The following CTNNA3 variants were observed in gnomAD, a reference collection of about 807,000 sequenced individuals.
CTNNA3 encodes catenin alpha-3.
A neutral mutation model predicts 95.7 loss-of-function variants in CTNNA3; 76 were observed. The ratio of observed to expected loss-of-function variants is 0.79; its 90% CI spans 0.66 to 0.96. CTNNA3 has a LOEUF of 0.96. CTNNA3 is among the 40% of genes least tolerant of loss of function. The probability of loss-of-function intolerance (pLI) is 0.00; values close to 1 mark genes in which losing one functional copy is unlikely to be tolerated. For synonymous variants in CTNNA3, 431 were observed against 374.4 expected (o/e 1.15, Z -1.74); for missense variants, 1,191 against 1,089.8 (o/e 1.09, Z -1.31).
chr10:66,186,534 A>C (rs560915790), intron 13 of CTNNA3, among the ~76,000 whole-genome samples: 1 of 152,308 alleles, frequency 6.6e-6, no homozygotes, highest in African/African-American at 2.4e-5. Context: ...TTAGAAATTC[A>C]TCTGCATTAT....
At chr10:67,562,765 T>G (rs1191101098) in intron 3 of CTNNA3, among the ~76,000 whole-genome samples, 1 of 152,164 alleles carries the variant, frequency 6.6e-6, no homozygotes, top group Admixed American at 6.5e-5. Context: ...AAAATCTCCT[T>G]AAGCTGATAA....
intron 7 of CTNNA3, among the ~76,000 whole-genome samples, chr10:67,037,774 G>C (rs905701705): frequency 7.9e-5 from 12 of 152,116 alleles, no homozygotes; most frequent in Non-Finnish European, 5.9e-5. Flanking sequence ...TTTTTAACTT[G>C]AACAAATACA....
At position 67,532,024 on chromosome 10, in the gene CTNNA3, C is replaced by A. The variant is rs899772585; in HGVS notation, c.459+7479G>T. Among the ~76,000 whole-genome samples the A allele has an allele frequency of 6.7e-4, 102 of 152,050 alleles. 12 individuals are homozygous for A. The highest frequency in any genetic ancestry group is 5.9e-5 in the Non-Finnish European group (4 of 68,016). ...GCCATGATTGTGAGGCCTCCCCTCA[C>A]AATCATGGAATCCACATGGAATCCA... On this transcript the variant is annotated intron_variant, in intron 4 of 17. Coordinates refer to ENST00000433211, the MANE Select transcript of CTNNA3 (RefSeq NM_013266.4).
At chr10:65,959,147 G>A (rs1004322354) in intron 17 of CTNNA3, among the ~76,000 whole-genome samples, 1 of 152,190 alleles carries the variant, frequency 6.6e-6, no homozygotes, top group African/African-American at 2.4e-5. Context: ...TCAGACTGCT[G>A]TGCCAGCAGT....
In CTNNA3 at chr10:67,720,127, TGC is replaced by T. The variant is rs1432876313; in HGVS notation, c.-2+43305_-2+43306del. Among the ~76,000 whole-genome samples, 5 of 115,878 alleles carry T rather than the reference TGC, an allele frequency of 4.3e-5. No individual in the cohort carries two copies. In the East Asian group the frequency reaches 1.1e-3, roughly 26 times the overall value. The allele number at this position is 115,878 out of a possible 152,430, so 76.0% of individuals were successfully genotyped here. A position where few individuals can be genotyped will look rare whatever the true frequency, so the allele number is the denominator to read the frequency against. On this transcript the variant is annotated intron_variant, in intron 1 of 17. Coordinates refer to the CTNNA3 transcript ENST00000684154. The stretch of plus-strand genomic sequence containing the variant: ...TATCAGAGACTAGGATTGCAACCCC[TGC>T]TTTTTTTTTTTTTTTTTTTTTTTGC...
chr10:66,970,044 T>C (rs1033842366), intron 7 of CTNNA3, among the ~76,000 whole-genome samples: 1 of 152,152 alleles, frequency 6.6e-6, no homozygotes, highest in Non-Finnish European at 1.5e-5. Context: ...GCGAGTTCCA[T>C]AGGTTTAATG....
chr10:66,341,722 A>G (rs2092454709), intron 12 of CTNNA3, among the ~76,000 whole-genome samples: 1 of 151,916 alleles, frequency 6.6e-6, no homozygotes, highest in Non-Finnish European at 1.5e-5. Flanking sequence ...TTACCTTTTC[A>G]TATTGGTTTT....
intron 7 of CTNNA3, among the ~76,000 whole-genome samples, chr10:66,978,001 A>G (rs1223956850): frequency 6.6e-6 from 1 of 152,110 alleles, no homozygotes; most frequent in African/African-American, 2.4e-5. Flanking sequence ...AAGGTTGTAT[A>G]TAGAAATCCA....
chr10:66,951,747 T>A (rs1463248395), intron 7 of CTNNA3, among the ~76,000 whole-genome samples: 2 of 152,180 alleles, frequency 1.3e-5, no homozygotes, highest in Non-Finnish European at 2.9e-5. Context: ...TCAGAATATT[T>A]ATTTTAGCAT....
At position 66,746,707 on chromosome 10, in the gene CTNNA3, TAGAG is replaced by T. The variant is rs548089890; in HGVS notation, c.1281+19553_1281+19556del. 5.0e-3 allele frequency among the ~76,000 whole-genome samples: 754 copies of T among 151,408 alleles called. 4 individuals are homozygous for T. Among genetic ancestry groups the T allele is most frequent in the African/African-American group, 0.012 (503 of 41,368 alleles). On this transcript the variant is annotated intron_variant, in intron 9 of 17. Coordinates refer to ENST00000433211, the MANE Select transcript of CTNNA3 (RefSeq NM_013266.4). ...ATGTCTCTCTACACAAAAATTGTGG[TAGAG>T]AGAGAGAGAGATGAAGGTGAGAGTC...
At chr10:67,716,381 G>A (rs1841143119) in intron 1 of CTNNA3, among the ~76,000 whole-genome samples, 1 of 152,042 alleles carries the variant, frequency 6.6e-6, no homozygotes, top group African/African-American at 2.4e-5. Flanking sequence ...ATGCAGGTTT[G>A]TTACATAGGT....
chr10:66,604,523 C>G (rs1010809798), intron 10 of CTNNA3, among the ~76,000 whole-genome samples: 1 of 152,118 alleles, frequency 6.6e-6, no homozygotes, highest in African/African-American at 2.4e-5. Flanking sequence ...CACCATACTA[C>G]GAAATGCTTT....
At chr10:66,933,343 C>T (rs148844566) in intron 7 of CTNNA3, among the ~76,000 whole-genome samples, 7 of 152,256 alleles carry the variant, frequency 4.6e-5, no homozygotes, top group East Asian at 1.9e-4. Flanking sequence ...CACCGACCAG[C>T]GAACACTAAA....
At chr10:66,310,318 G>T (rs1477089303) in intron 12 of CTNNA3, among the ~76,000 whole-genome samples, 1 of 152,042 alleles carries the variant, frequency 6.6e-6, no homozygotes, top group African/African-American at 2.4e-5. Context: ...TAACAGAAAA[G>T]AAGAAATCTG....
At chr10:66,971,029 G>A (rs1849692766) in intron 7 of CTNNA3, among the ~76,000 whole-genome samples, 1 of 151,856 alleles carries the variant, frequency 6.6e-6, no homozygotes, top group African/African-American at 2.4e-5. Context: ...ATGAGTATTT[G>A]CATTATTTGC....
chr10:66,536,202 G>A (rs1395787571), intron 10 of CTNNA3, among the ~76,000 whole-genome samples: 3 of 151,030 alleles, frequency 2.0e-5, no homozygotes, highest in Non-Finnish European at 4.4e-5. Context: ...ATTAAAAAAG[G>A]TAATCCTTGT....
intron 13 of CTNNA3, among the ~76,000 whole-genome samples, chr10:66,120,335 C>T (rs34165318): frequency 0.074 from 11,184 of 152,130 alleles, 513 homozygotes; most frequent in Admixed American, 0.12. Context: ...ACAATAAATG[C>T]TCAGTAAATA....
intron 3 of CTNNA3, among the ~76,000 whole-genome samples, chr10:67,583,627 TCTC>T (rs1296558440): frequency 6.6e-6 from 1 of 152,206 alleles, no homozygotes; most frequent in Non-Finnish European, 1.5e-5. Flanking sequence ...TTGTGGAAGT[TCTC>T]CTGGATAATA....
intron 11 of CTNNA3, among the ~76,000 whole-genome samples, chr10:66,397,504 A>G (rs1447739532): frequency 6.6e-6 from 1 of 151,820 alleles, no homozygotes; most frequent in Non-Finnish European, 1.5e-5. Flanking sequence ...ATATATTCAC[A>G]TGGTATATTC....
Sources: allele counts gnomAD v4.1 joint callset (sites outside exome capture counted in the v4.1 genomes callset), GRCh38; gene constraint gnomAD v4.1.1; transcripts MANE v1.5; gene names NCBI Gene and HGNC (gene_info 2026-07-23, HGNC 2026-07-21).